SLC1A1: variants seen among roughly 807,000 people sequenced by gnomAD.
SLC1A1 encodes excitatory amino acid transporter 3.
In SLC1A1, 43 loss-of-function variants were observed where a neutral mutation model predicts 53.3. The observed-to-expected ratio is 0.81, with a 90% CI of 0.63 to 1.04. The LOEUF is 1.04. Among genes scored for constraint, SLC1A1 ranks in the 50% least tolerant of loss-of-function variants. The pLI is 0.00. For missense variants in SLC1A1, 748 were observed against 664.9 expected (o/e 1.12, Z -1.37); for synonymous variants, 307 against 243.2 (o/e 1.26, Z -2.44).
chr9:4,580,136 T>A (rs1820917741), intron 10 of SLC1A1, among the ~76,000 whole-genome samples: 1 of 150,968 alleles, frequency 6.6e-6, no homozygotes, highest in Admixed American at 6.6e-5. Context: ...GAGGCTGAAG[T>A]GGGCAGACTG....
chr9:4,497,351 C>T (rs372522002), intron 1 of SLC1A1, among the ~76,000 whole-genome samples: 13 of 152,268 alleles, frequency 8.5e-5, no homozygotes, highest in African/African-American at 1.9e-4. Context: ...TATCCTCTCC[C>T]GCTGCTGTGT....
intron 1 of SLC1A1, among the ~76,000 whole-genome samples, chr9:4,524,574 A>G (rs770284558): frequency 1.1e-4 from 17 of 152,166 alleles, no homozygotes; most frequent in Non-Finnish European, 2.1e-4. Context: ...TATAAAGAAA[A>G]GATGTTTATT....
At chr9:4,557,649 T>A (rs917639127) in intron 2 of SLC1A1, among the ~76,000 whole-genome samples, 1 of 151,840 alleles carries the variant, frequency 6.6e-6, no homozygotes, top group Admixed American at 6.6e-5. Context: ...TAAAATAGAT[T>A]AATTAAAATG....
chr9:4,566,214 T>C, intron 5 of SLC1A1, 125 bp downstream of exon 5: 2 of 834,662 alleles, frequency 2.4e-6, no homozygotes, highest in Non-Finnish European at 4.2e-6. Context: ...GAAGTAAACC[T>C]GTGACTGGCC....
At chr9:4,529,411 G>A (rs1041135132) in intron 1 of SLC1A1, among the ~76,000 whole-genome samples, 4 of 152,166 alleles carry the variant, frequency 2.6e-5, no homozygotes, top group East Asian at 1.9e-4. Flanking sequence ...ATTCATACTC[G>A]TCCTTTCCCA....
intron 10 of SLC1A1, among the ~76,000 whole-genome samples, chr9:4,580,759 T>C (rs1371808951): frequency 6.6e-6 from 1 of 151,606 alleles, no homozygotes; most frequent in Non-Finnish European, 1.5e-5. Context: ...GTTGTAATAG[T>C]TGTTGTTTTG....
intron 3 of SLC1A1, among the ~76,000 whole-genome samples, chr9:4,563,142 G>C (rs62542124): frequency 0.011 from 1,078 of 100,736 alleles, 23 homozygotes; most frequent in East Asian, 0.064. Flanking sequence ...AAAAGAGAGA[G>C]AGAGAAAAAA....
intron 1 of SLC1A1, among the ~76,000 whole-genome samples, chr9:4,540,115 GGAGAA>G (rs532409875): frequency 1.9e-3 from 285 of 152,256 alleles, no homozygotes; most frequent in Middle Eastern, 0.01. Context: ...AGCAGAGAAA[GGAGAA>G]GAGGAGAAGC....
At chr9:4,535,009 C>T (rs543137194) in intron 1 of SLC1A1, among the ~76,000 whole-genome samples, 3 of 152,154 alleles carry the variant, frequency 2.0e-5, no homozygotes, top group South Asian at 2.1e-4. Context: ...ATTCAACAAC[C>T]CTTCATTCTA....
chr9:4,490,734 T>C lies in SLC1A1; in HGVS notation c.55T>C (p.Trp19Arg), dbSNP rs758068593. 4.3e-6 allele frequency: 7 copies of C among 1,612,804 alleles called. No individual in the cohort carries two copies. The East Asian group carries it at 1.6e-4, about 36-fold the overall frequency. The change falls in exon 1 of 12, where the codon TGG becomes CGG. Residue 19 changes from tryptophan to arginine, a missense_variant. Trp to Arg is a moderately radical substitution (Grantham distance 101). Transcript: ENST00000262352. ...CEWKRFLKNN[W>R]VLLSTVAAVV... ...GTGGAAGCGCTTCCTGAAGAATAAC[T>C]GGGTGTTGCTGTCCACCGTGGCCGC... is the stretch of plus-strand genomic sequence containing the variant.
chr9:4,506,146 G>A lies in SLC1A1; in HGVS notation c.91+15376G>A, dbSNP rs182666625. Reference sequence around the variant, plus strand: ...TAATTTTTGTACTTTTAGTAGAGACGGGGTTTCGCCATGTTAGCCAGGCTG... The same window carrying A: ...TAATTTTTGTACTTTTAGTAGAGACAGGGTTTCGCCATGTTAGCCAGGCTG... On this transcript the variant is annotated intron_variant, in intron 1 of 11. Transcript: ENST00000262352. Among the ~76,000 whole-genome samples the A allele has an allele frequency of 5.9e-3, 898 of 152,064 alleles. 10 individuals carry two copies. Among genetic ancestry groups the A allele is most frequent in the African/African-American group, 0.021 (856 of 41,492 alleles).
chr9:4,498,211 A>G (rs141589301), intron 1 of SLC1A1, among the ~76,000 whole-genome samples: 33 of 152,288 alleles, frequency 2.2e-4, no homozygotes, highest in South Asian at 1.5e-3. Flanking sequence ...AAGATGATAA[A>G]ATGACCTAGA....
At chr9:4,527,897 T>C (rs1490525031) in intron 1 of SLC1A1, among the ~76,000 whole-genome samples, 2 of 152,078 alleles carry the variant, frequency 1.3e-5, no homozygotes, top group African/African-American at 4.8e-5. Context: ...AAAACCCTCC[T>C]GAAGTAAGAC....
chr9:4,575,980 A>G, intron 8 of SLC1A1, 21 bp from the exon 9 acceptor site: 4 of 1,613,262 alleles, frequency 2.5e-6, no homozygotes, highest in Non-Finnish European at 3.4e-6. Context: ...TGAAACTTTA[A>G]TTTCTCTTTC....
chr9:4,535,772 C>G (rs1185420324), intron 1 of SLC1A1, among the ~76,000 whole-genome samples: 1 of 152,074 alleles, frequency 6.6e-6, no homozygotes, highest in Non-Finnish European at 1.5e-5. Flanking sequence ...GCCAAAAGAA[C>G]AAAGCTGGAG....
chr9:4,567,108 T>C (rs996754213), intron 5 of SLC1A1, among the ~76,000 whole-genome samples: 1 of 152,182 alleles, frequency 6.6e-6, no homozygotes, highest in African/African-American at 2.4e-5. Context: ...TAAATCCCCA[T>C]GTGGAAGCTC....
rs184374787 is a variant in SLC1A1 at position 4,511,653 on chromosome 9, T to G, written c.91+20883T>G. ...GCTGAAAGTCTGAATGCTTTCCCCC[T>G]AAGAGCAGGAATAAGGCAAAGGTGT... is the stretch of plus-strand genomic sequence containing the variant. On this transcript the variant is annotated intron_variant, in intron 1 of 11. Coordinates refer to ENST00000262352, the MANE Select transcript of SLC1A1 (RefSeq NM_004170.6). Among the ~76,000 whole-genome samples, 4 of 151,832 alleles carry G rather than the reference T, an allele frequency of 2.6e-5. No individual in the cohort carries two copies. In the East Asian group the frequency reaches 7.8e-4, roughly 29 times the overall value.
chr9:4,574,112 C>A, intron 8 of SLC1A1, 98 bp downstream of exon 8: 1 of 828,892 alleles, frequency 1.2e-6, no homozygotes. Flanking sequence ...GGCTTCTGCC[C>A]TATGTGCTGG....
chr9:4,570,915 TAAA>T (rs111620181), intron 6 of SLC1A1, among the ~76,000 whole-genome samples: 1 of 140,966 alleles, frequency 7.1e-6, no homozygotes. Context: ...CCTGTCTGTT[TAAA>T]AAAAAAAAAA....
Sources: gnomAD v4.1 joint callset for allele counts (sites outside exome capture counted in the v4.1 genomes callset) on GRCh38, gnomAD v4.1.1 for gene constraint, MANE v1.5 for transcripts, NCBI Gene and HGNC (gene_info 2026-07-23, HGNC 2026-07-21) for gene names.